The following KNCN variants were observed in gnomAD, a reference collection of about 807,000 sequenced individuals.
The protein encoded by KNCN is kinocilin.
In KNCN, 11 loss-of-function variants were observed where a neutral mutation model predicts 10.4. The ratio of observed to expected loss-of-function variants is 1.06; its 90% CI spans 0.67 to 1.75. The LOEUF is 1.75. Ranked by LOEUF, KNCN falls within the 40% of genes most tolerant of loss-of-function variation. The pLI is 0.00. For synonymous variants in KNCN, 67 were observed against 71.6 expected (o/e 0.94, Z 0.33); for missense variants, 172 against 167.1 (o/e 1.03, Z -0.16).
chr1:46,549,593 G>A, intron 2 of KNCN: 1 of 546,438 alleles, frequency 1.8e-6, no homozygotes. Context: ...GAGGCTGTGG[G>A]GTCTTAGGGG....
At chr1:46,550,515 T>C (rs995334124) in intron 1 of KNCN, among the ~76,000 whole-genome samples, 3 of 137,112 alleles carry the variant, frequency 2.2e-5, no homozygotes, top group Non-Finnish European at 3.2e-5. Context: ...TGGTCCTGCC[T>C]TTGGCCTGGG....
intron 1 of KNCN, 31 bp from the exon 2 acceptor site, chr1:46,550,033 G>A (rs1292627217): frequency 4.5e-6 from 7 of 1,550,404 alleles, no homozygotes; most frequent in Non-Finnish European, 6.1e-6. Flanking sequence ...TTCTGTGATG[G>A]GGAGGAGCCT....
At position 46,545,670 on chromosome 1, in the gene KNCN, T is replaced by G. The variant is rs1666923389; in HGVS notation, c.*2060A>C. ...CTTTCATTCCTTGATTTATTCCACC[T>G]GGTCCCCAGCATCTCTCTCTGCCTG... On this transcript the variant is annotated 3_prime_UTR_variant, in exon 4 of 4. Coordinates refer to ENST00000481882, the MANE Select transcript of KNCN (RefSeq NM_001322255.2). 6.6e-6 allele frequency: 1 copy of G among 152,336 alleles called. No homozygotes were observed. The highest frequency in any genetic ancestry group is 2.4e-5 in the African/African-American group (1 of 41,462). The allele number at this position is 152,336 out of a possible 1,614,324, so 9.4% of individuals were successfully genotyped here.
intron 2 of KNCN, chr1:46,549,581 C>G: frequency 3.6e-6 from 2 of 549,910 alleles, no homozygotes; most frequent in South Asian, 5.3e-5. Flanking sequence ...GGGAGCTGTG[C>G]AGAGGCTGTG....
intron 1 of KNCN, among the ~76,000 whole-genome samples, chr1:46,550,377 C>T (rs1667040051): frequency 1.3e-5 from 2 of 152,202 alleles, no homozygotes; most frequent in African/African-American, 4.8e-5. Flanking sequence ...TGTTCCTCCC[C>T]ACCCAGACCT....
intron 1 of KNCN, among the ~76,000 whole-genome samples, chr1:46,550,409 C>T (rs1667040855): frequency 6.6e-6 from 1 of 152,154 alleles, no homozygotes; most frequent in Non-Finnish European, 1.5e-5. Context: ...GCAGTGGAGC[C>T]AGTCCTGCCT....
At chr1:46,548,592 T>C (rs1224818033) in intron 3 of KNCN, among the ~76,000 whole-genome samples, 1 of 151,746 alleles carries the variant, frequency 6.6e-6, no homozygotes, top group African/African-American at 2.4e-5. Flanking sequence ...AACTGAGGTA[T>C]AGGACCTGGG....
chr1:46,547,744 CCCCCCGGGTCCCCGGCTTCAGCTT>C lies in KNCN; in HGVS notation c.337_360del (p.Lys113_Gly120del). Reference sequence around the variant, plus strand: ...CAGACTTTGCCTCAGCATTCCTCAGCCCCCCGGGTCCCCGGCTTCAGCTTCTCCAGGGTCCTGCTCACGGTGGAC... The same window carrying C: ...CAGACTTTGCCTCAGCATTCCTCAGCCTCCAGGGTCCTGCTCACGGTGGAC... On this transcript the variant is annotated inframe_deletion, in exon 4 of 4. Transcript: ENST00000481882. The C allele has an allele frequency of 6.7e-7, 1 of 1,483,786 alleles. No individual in the cohort carries two copies. The highest frequency in any genetic ancestry group is 9.0e-7 in the Non-Finnish European group (1 of 1,117,054). 91.9% of individuals were successfully genotyped at this position (1,483,786 alleles called of 1,614,324 possible). A position where few individuals can be genotyped will look rare whatever the true frequency, so the allele number is the denominator to read the frequency against.
Position 46,547,677 on chromosome 1 carries a change from G to A in KNCN, c.*53C>T, listed in dbSNP as rs188872391. ...CTAACCCAGGAGGGCACTGACATAG[G>A]GGCAGCAGGCAGGATGGGAGGGCAG... On this transcript the variant is annotated 3_prime_UTR_variant, in exon 4 of 4. Transcript: ENST00000481882. The A allele has an allele frequency of 2.5e-3, 3,484 of 1,377,332 alleles. 26 individuals are homozygous for A. The highest frequency in any genetic ancestry group is 1.5e-3 in the Non-Finnish European group (1,504 of 990,494). The allele number at this position is 1,377,332 out of a possible 1,614,324, so 85.3% of individuals were successfully genotyped here.
intron 3 of KNCN, among the ~76,000 whole-genome samples, chr1:46,548,061 C>T (rs1250762882): frequency 1.3e-5 from 2 of 152,236 alleles, no homozygotes; most frequent in Non-Finnish European, 2.9e-5. Flanking sequence ...CCGGAGCCCA[C>T]TGCCTGGTTT....
At chr1:46,548,645 C>T (rs1666997541) in intron 3 of KNCN, among the ~76,000 whole-genome samples, 1 of 152,166 alleles carries the variant, frequency 6.6e-6, no homozygotes. Context: ...GAGGTGCCCT[C>T]ATTCCAGTGT....
rs1258157257 is a variant in KNCN, at chr1:46,545,695, G to A, written c.*2035C>T. ...TGGTCCCCAGCATCTCTCTCTGCCT[G>A]GCCCTGCCAGGCATCGGGGATTCCA... On this transcript the variant is annotated 3_prime_UTR_variant, in exon 4 of 4. Coordinates refer to ENST00000481882, the MANE Select transcript of KNCN (RefSeq NM_001322255.2). 6.6e-6 allele frequency: 1 copy of A among 152,298 alleles called. No individual in the cohort carries two copies. Among genetic ancestry groups the A allele is most frequent in the Admixed American group, 6.5e-5 (1 of 15,284 alleles). 9.4% of individuals were successfully genotyped at this position (152,298 alleles called of 1,614,324 possible).
At position 46,547,749 on chromosome 1, in the gene KNCN, C is replaced by A; in HGVS notation, c.356G>T (p.Arg119Leu). ...RTLEKLKPGT[R>L]GAEEC ...TTTGCCTCAGCATTCCTCAGCCCCC[C>A]GGGTCCCCGGCTTCAGCTTCTCCAG... Residue 119 changes from arginine to leucine, a missense_variant, in exon 4 of 4, where the codon CGG becomes CTG. By Grantham distance (102) the Arg-to-Leu change is moderately radical. Transcript: ENST00000481882. 3.4e-6 allele frequency: 5 copies of A among 1,483,902 alleles called. No homozygotes were observed. Among genetic ancestry groups the A allele is most frequent in the Non-Finnish European group, 4.5e-6 (5 of 1,117,602 alleles). The allele number at this position is 1,483,902 out of a possible 1,614,324, so 91.9% of individuals were successfully genotyped here. A position where few individuals can be genotyped will look rare whatever the true frequency, so the allele number is the denominator to read the frequency against.
chr1:46,547,413 A>T lies in KNCN; in HGVS notation c.*317T>A, dbSNP rs888677638. ...ACCCCAAATTCCAGAGAAACAAATC[A>T]GTAGATTGAACAGGCAACAAAGCTG... On this transcript the variant is annotated 3_prime_UTR_variant, in exon 4 of 4. Transcript: ENST00000481882. 32 of 581,034 alleles carry T rather than the reference A, an allele frequency of 5.5e-5. No individual in the cohort carries two copies. The highest frequency in any genetic ancestry group is 3.0e-4 in the Admixed American group (14 of 45,994). The allele number at this position is 581,034 out of a possible 1,614,324, so 36.0% of individuals were successfully genotyped here. A position where few individuals can be genotyped will look rare whatever the true frequency, so the allele number is the denominator to read the frequency against.
chr1:46,551,190 T>C lies in KNCN; in HGVS notation c.26A>G (p.Asp9Gly). ...GCAGGCCAGCTGCAGGCCGCGGAAG[T>C]CTCTGCTGCTGATGGGGATGTCCAT... is the stretch of plus-strand genomic sequence containing the variant. Reference protein sequence around the residue: MDIPISSRDFRGLQLACVA... With the variant: MDIPISSRGFRGLQLACVA... The change falls in exon 1 of 4, where the codon GAC (aspartate) becomes GGC (glycine). Residue 9 changes from aspartate (D) to glycine (G), a missense_variant. Transcript: ENST00000481882. The surrounding 1 kb of genome is among the most constrained non-coding windows in gnomAD (Gnocchi z 4.0). 1 of 1,609,322 alleles carries C rather than the reference T, an allele frequency of 6.2e-7. No homozygotes were observed. Among genetic ancestry groups the C allele is most frequent in the Non-Finnish European group, 8.5e-7 (1 of 1,177,930 alleles).
rs1666960209 is a variant in KNCN at position 46,547,218 on chromosome 1, G to A, written c.*512C>T. On this transcript the variant is annotated 3_prime_UTR_variant, in exon 4 of 4. Coordinates refer to ENST00000481882, the MANE Select transcript of KNCN (RefSeq NM_001322255.2). ...GGAACTGCCAGGAGTTTTGATATTT[G>A]GAAAAGAATCTTGTCTAGCCCCTCT... 2.8e-6 allele frequency: 1 copy of A among 356,322 alleles called. No homozygotes were observed. 22.1% of individuals were successfully genotyped at this position (356,322 alleles called of 1,614,324 possible).
chr1:46,546,072 T>C lies in KNCN; in HGVS notation c.*1658A>G, dbSNP rs1666934830. 1 of 152,226 alleles carries C rather than the reference T, an allele frequency of 6.6e-6. No individual in the cohort carries two copies. Among genetic ancestry groups the C allele is most frequent in the African/African-American group, 2.4e-5 (1 of 41,442 alleles). 9.4% of individuals were successfully genotyped at this position (152,226 alleles called of 1,614,324 possible). A position where few individuals can be genotyped will look rare whatever the true frequency, so the allele number is the denominator to read the frequency against. ...GCCAGCATTTGTGGAAGGCAGCCCC[T>C]TCATGGAGGTCTGTCGCACTGTTGT... On this transcript the variant is annotated 3_prime_UTR_variant, in exon 4 of 4. Coordinates refer to ENST00000481882, the MANE Select transcript of KNCN (RefSeq NM_001322255.2).
At position 46,545,852 on chromosome 1, in the gene KNCN, A is replaced by AG. The variant is rs1666928842; in HGVS notation, c.*1877dup. 6.6e-6 allele frequency: 1 copy of AG among 152,166 alleles called. No homozygotes were observed. The highest frequency in any genetic ancestry group is 2.1e-4 in the South Asian group (1 of 4,816). 9.4% of individuals were successfully genotyped at this position (152,166 alleles called of 1,614,324 possible). A position where few individuals can be genotyped will look rare whatever the true frequency, so the allele number is the denominator to read the frequency against. Reference sequence around the variant, plus strand: ...ACCCTGGGGCATCTCTGGGGCACTGAGGTGAGGATCGAAGATGGATAGGAG... The same window carrying AG: ...ACCCTGGGGCATCTCTGGGGCACTGAGGGTGAGGATCGAAGATGGATAGGAG... On this transcript the variant is annotated 3_prime_UTR_variant, in exon 4 of 4. Transcript: ENST00000481882.
rs374167291 is a variant in KNCN at position 46,547,608 on chromosome 1, G to A, written c.*122C>T. On this transcript the variant is annotated 3_prime_UTR_variant, in exon 4 of 4. Transcript: ENST00000481882. ...CCCATTCCAGACACTGTTCCCAGCC[G>A]CTCTGGGGTCTGCAGGGCCTGGCTT... is the stretch of plus-strand genomic sequence containing the variant. 50 of 786,430 alleles carry A rather than the reference G, an allele frequency of 6.4e-5. 1 individual carries two copies. The highest frequency in any genetic ancestry group is 2.2e-4 in the Middle Eastern group (1 of 4,510). 48.7% of individuals were successfully genotyped at this position (786,430 alleles called of 1,614,324 possible).
Sources: allele counts gnomAD v4.1 joint callset (sites outside exome capture counted in the v4.1 genomes callset), GRCh38; gene constraint gnomAD v4.1.1; non-coding constraint Gnocchi (gnomAD v3.1); transcripts MANE v1.5; gene names NCBI Gene and HGNC (gene_info 2026-07-23, HGNC 2026-07-21).